Variants in GRID1 observed in about 807,000 individuals in gnomAD.
GRID1 encodes glutamate ionotropic receptor delta type subunit 1, also known as glutamate receptor ionotropic, delta-1.
A neutral mutation model predicts 98.0 loss-of-function variants in GRID1; 28 were observed. That is an observed-to-expected ratio of 0.29 (90% CI 0.21 to 0.39). The LOEUF (loss-of-function observed/expected upper bound fraction) is 0.39. Among genes scored for constraint, GRID1 ranks in the 10% least tolerant of loss-of-function variants. The pLI is 1.00. For synonymous variants in GRID1, 553 were observed against 538.5 expected (o/e 1.03, Z -0.37); for missense variants, 1,111 against 1,340.5 (o/e 0.83, Z 2.67).
At chr10:85,852,693 C>T (rs368257544) in intron 8 of GRID1, among the ~76,000 whole-genome samples, 70 of 152,314 alleles carry the variant, frequency 4.6e-4, no homozygotes, top group African/African-American at 1.7e-3. Flanking sequence ...AAAGAGCCCT[C>T]CTTACCTGGT....
At position 86,105,561 on chromosome 10, in the gene GRID1, A is replaced by G. The variant is rs1371140247; in HGVS notation, c.726+33258T>C. Among the ~76,000 whole-genome samples, 5 of 152,204 alleles carry G rather than the reference A, an allele frequency of 3.3e-5. No homozygotes were observed. The East Asian group carries it at 5.8e-4, about 18-fold the overall frequency. ...GATTGGGTGGGGAACACGCTCTTCA[A>G]TGAAAGCAGAGCCCTAGGGGCCAGC... is the stretch of plus-strand genomic sequence containing the variant. On this transcript the variant is annotated intron_variant, in intron 4 of 15. Coordinates refer to ENST00000327946, the MANE Select transcript of GRID1 (RefSeq NM_017551.3).
At chr10:86,242,857 T>C (rs1846660050) in intron 2 of GRID1, among the ~76,000 whole-genome samples, 1 of 152,078 alleles carries the variant, frequency 6.6e-6, no homozygotes, top group Non-Finnish European at 1.5e-5. Context: ...ATGCCCACAG[T>C]CACAGTAACA....
intron 4 of GRID1, among the ~76,000 whole-genome samples, chr10:86,129,962 C>CTGCTTGG (rs1844809249): frequency 6.6e-6 from 1 of 152,238 alleles, no homozygotes; most frequent in African/African-American, 2.4e-5. Context: ...CAGCCCTGAG[C>CTGCTTGG]ACTCACACTT....
At chr10:86,027,857 C>T (rs1347940724) in intron 4 of GRID1, among the ~76,000 whole-genome samples, 2 of 152,220 alleles carry the variant, frequency 1.3e-5, no homozygotes, top group Non-Finnish European at 2.9e-5. Context: ...AACTGCTCAT[C>T]ATTAACCTGT....
intron 12 of GRID1, among the ~76,000 whole-genome samples, chr10:85,707,183 A>C (rs1590198477): frequency 6.6e-6 from 1 of 152,150 alleles, no homozygotes; most frequent in African/African-American, 2.4e-5. Context: ...GCAACCTACA[A>C]AATGGGAGAA....
chr10:85,674,860 T>C (rs1439025078), intron 12 of GRID1, among the ~76,000 whole-genome samples: 1 of 152,184 alleles, frequency 6.6e-6, no homozygotes, highest in Non-Finnish European at 1.5e-5. Flanking sequence ...GTCCTTTATC[T>C]CAGGAGGAGA....
intron 15 of GRID1, among the ~76,000 whole-genome samples, chr10:85,608,351 T>A (rs530830799): frequency 6.6e-6 from 1 of 152,194 alleles, no homozygotes; most frequent in Non-Finnish European, 1.5e-5. Context: ...GGCCCAAGCA[T>A]CTGTATTTCT....
chr10:86,338,801 G>A (rs1434530324), intron 2 of GRID1, among the ~76,000 whole-genome samples: 3 of 151,998 alleles, frequency 2.0e-5, no homozygotes, highest in East Asian at 3.9e-4. Context: ...CAAGTGATCC[G>A]CCTGCCTCGG....
At chr10:85,755,112 T>C (rs1337328861) in intron 8 of GRID1, among the ~76,000 whole-genome samples, 1 of 152,140 alleles carries the variant, frequency 6.6e-6, no homozygotes, top group Non-Finnish European at 1.5e-5. Context: ...AAGCCTGTTT[T>C]GGCCGGCCCT....
At chr10:86,279,989 G>C (rs1191700817) in intron 2 of GRID1, among the ~76,000 whole-genome samples, 1 of 152,162 alleles carries the variant, frequency 6.6e-6, no homozygotes, top group East Asian at 1.9e-4. Flanking sequence ...GATCACTTGA[G>C]GCCAGGAGTT....
At chr10:85,602,735 C>T in intron 15 of GRID1, 34 bp from the exon 16 acceptor site, 8 of 1,525,764 alleles carry the variant, frequency 5.2e-6, no homozygotes, top group Non-Finnish European at 7.2e-6. Flanking sequence ...CAGGTGGAGC[C>T]CTAACAGTGA....
chr10:85,883,699 C>G (rs1841071440), intron 5 of GRID1, among the ~76,000 whole-genome samples: 1 of 152,172 alleles, frequency 6.6e-6, no homozygotes, highest in African/African-American at 2.4e-5. Flanking sequence ...TAACTAGGAG[C>G]ACTAGTTATC....
chr10:86,134,991 C>G (rs1844898992), intron 4 of GRID1, among the ~76,000 whole-genome samples: 1 of 152,212 alleles, frequency 6.6e-6, no homozygotes, highest in African/African-American at 2.4e-5. Flanking sequence ...TTGGCACAGG[C>G]TGGGGCTCAG....
rs188468541 is a variant in GRID1, at chr10:85,647,608, G to T, written c.1998-211C>A. The T allele has an allele frequency of 1.5e-5, 8 of 534,216 alleles. No individual in the cohort carries two copies. The East Asian group carries it at 2.4e-4, about 16-fold the overall frequency. 33.1% of individuals were successfully genotyped at this position (534,216 alleles called of 1,614,324 possible). ...ATTACAGGTGTGTTTTCTCAGTGCA[G>T]ATTAATTCAATAAGATGACTGGGCA... On this transcript the variant is annotated intron_variant, in intron 12 of 15. Transcript: ENST00000327946.
intron 8 of GRID1, among the ~76,000 whole-genome samples, chr10:85,788,784 C>T (rs1457074883): frequency 6.6e-6 from 1 of 152,206 alleles, no homozygotes; most frequent in Non-Finnish European, 1.5e-5. Flanking sequence ...TCAAGTCCTT[C>T]GCAGATGAGT....
chr10:85,877,870 C>CA (rs1466402930), intron 5 of GRID1, among the ~76,000 whole-genome samples: 2 of 151,686 alleles, frequency 1.3e-5, no homozygotes, highest in African/African-American at 2.4e-5. Context: ...TTAGAAACTT[C>CA]AAAAAAAATT....
At chr10:86,117,512 CCACCACTACCATCACTAT>C (rs1426060852) in intron 4 of GRID1, among the ~76,000 whole-genome samples, 2 of 151,962 alleles carry the variant, frequency 1.3e-5, no homozygotes, top group Non-Finnish European at 2.9e-5. Flanking sequence ...ACTATCACCA[CCACCACTACCATCACTAT>C]CACCACTACC....
At chr10:86,001,905 G>A (rs1842806483) in intron 4 of GRID1, among the ~76,000 whole-genome samples, 1 of 152,190 alleles carries the variant, frequency 6.6e-6, no homozygotes, top group South Asian at 2.1e-4. Context: ...TCTAGGGAAG[G>A]ATCCTTCCTT....
At position 86,080,655 on chromosome 10, in the gene GRID1, G is replaced by T. The variant is rs545295402; in HGVS notation, c.726+58164C>A. On this transcript the variant is annotated intron_variant, in intron 4 of 15. Transcript: ENST00000327946. ...ATTGGAGAGTGGAGTGTCTGAGTGGGAGTCCCCAGAAGCAAACTCTGACAC... is the reference window on the plus strand; with the variant it reads ...ATTGGAGAGTGGAGTGTCTGAGTGGTAGTCCCCAGAAGCAAACTCTGACAC... Among the ~76,000 whole-genome samples, 4 of 152,216 alleles carry T rather than the reference G, an allele frequency of 2.6e-5. 1 individual carries two copies. In the South Asian group the frequency reaches 8.3e-4, roughly 32 times the overall value.
Sources: gnomAD v4.1 joint callset for allele counts (sites outside exome capture counted in the v4.1 genomes callset) on GRCh38, gnomAD v4.1.1 for gene constraint, MANE v1.5 for transcripts, NCBI Gene and HGNC (gene_info 2026-07-23, HGNC 2026-07-21) for gene names.